The following GMFG variants were observed in gnomAD, a reference collection of about 807,000 sequenced individuals.
GMFG encodes glia maturation factor gamma.
GMFG carries 21 observed loss-of-function variants against 26.1 expected under a neutral mutation model. The observed-to-expected ratio is 0.80, with a 90% confidence interval of 0.57 to 1.16. The LOEUF is 1.16. Ranked by LOEUF, GMFG falls within the 50% of genes most tolerant of loss-of-function variation. GMFG has a pLI of 0.00. For missense variants in GMFG, 161 were observed against 178.3 expected (o/e 0.90, Z 0.55); for synonymous variants, 65 against 60.8 (o/e 1.07, Z -0.32).
chr19:39,334,315 C>A (rs12975430), intron 3 of GMFG, among the ~76,000 whole-genome samples: 11 of 152,070 alleles, frequency 7.2e-5, no homozygotes, highest in African/African-American at 2.4e-4. Context: ...GGCACCCAGC[C>A]GAGATGGGGT....
intron 3 of GMFG, among the ~76,000 whole-genome samples, chr19:39,334,676 C>G (rs1187302670): frequency 2.0e-5 from 3 of 152,110 alleles, no homozygotes; most frequent in East Asian, 3.8e-4. Flanking sequence ...AGTGCCAGGC[C>G]TTGTTCTAAA....
intron 3 of GMFG, 144 bp downstream of exon 3, chr19:39,335,117 C>T (rs2075243626): frequency 1.6e-6 from 1 of 627,276 alleles, no homozygotes; most frequent in Non-Finnish European, 2.8e-6. Flanking sequence ...TCCCAAAGTG[C>T]TGGGATTACA....
Position 39,329,532 on chromosome 19 carries a change from G to A in GMFG, c.283+12C>T. On this transcript the variant is annotated intron_variant, in intron 5 of 6. Transcript: ENST00000597595. The stretch of plus-strand genomic sequence containing the variant: ...AAGACCCTCTCCTGAGGACAGTAGA[G>A]CTGTGTCTCACCCACAGGGCTGGAG... The A allele has an allele frequency of 6.6e-7, 1 of 1,505,036 alleles. No individual in the cohort carries two copies. Among genetic ancestry groups the A allele is most frequent in the African/African-American group, 1.4e-5 (1 of 73,068 alleles). 93.2% of individuals were successfully genotyped at this position (1,505,036 alleles called of 1,614,324 possible).
rs371601820 is a variant in GMFG, at chr19:39,328,536, G to A, written c.370C>T (p.Arg124Cys). Residue 124 changes from arginine to cysteine, a missense_variant, in exon 7 of 7, where the codon CGC becomes TGC. By Grantham distance (180) the Arg-to-Cys change is radical (BLOSUM62 -3). Coordinates refer to ENST00000597595, the MANE Select transcript of GMFG (RefSeq NM_004877.4). ...GCCTCAGTGAGGTCATCAGTGGTGC[G>A]GATTTCGAACACCTGGGCAGAGAGA... ...TAELTKVFEIRTTDDLTEAWL... is the reference protein window; with the variant it reads ...TAELTKVFEICTTDDLTEAWL... 22 of 1,612,012 alleles carry A rather than the reference G, an allele frequency of 1.4e-5. No homozygotes were observed. The highest frequency in any genetic ancestry group is 4.5e-5 in the East Asian group (2 of 44,868).
In GMFG at chr19:39,329,091, G is replaced by A; in HGVS notation, c.284-18C>T. ...CTTGCAGCCTGCGTGGAAAAGAGGA[G>A]AAAGGCACATCAGTGGGGACCCAGG... On this transcript the variant is annotated intron_variant, in intron 5 of 6. Transcript: ENST00000597595. 2 of 1,589,080 alleles carry A rather than the reference G, an allele frequency of 1.3e-6. No individual in the cohort carries two copies. The highest frequency in any genetic ancestry group is 1.7e-6 in the Non-Finnish European group (2 of 1,157,162).
In GMFG at chr19:39,335,481, C is replaced by G. The variant is rs1263594669; in HGVS notation, c.54G>C (p.Leu18=). The change falls in exon 2 of 7, where the codon CTG becomes CTC. Residue 18 remains leucine (L), a synonymous_variant. Coordinates refer to ENST00000597595, the MANE Select transcript of GMFG (RefSeq NM_004877.4). The stretch of plus-strand genomic sequence containing the variant: ...TCTCTTTTCGGAAGCGGAATTTCCT[C>G]AGCTTTTCTGTTAGCTCTGGGTCTA... ...CEVDPELTEK[L]RKFRFRKETD... The G allele has an allele frequency of 6.2e-7, 1 of 1,613,904 alleles. No individual in the cohort carries two copies. The highest frequency in any genetic ancestry group is 8.5e-7 in the Non-Finnish European group (1 of 1,179,902).
Position 39,329,574 on chromosome 19 carries a change from G to A in GMFG, c.253C>T (p.Pro85Ser), listed in dbSNP as rs750925189. The A allele has an allele frequency of 1.2e-6, 2 of 1,609,772 alleles. No individual in the cohort carries two copies. Among genetic ancestry groups the A allele is most frequent in the African/African-American group, 2.7e-5 (2 of 74,796 alleles). ...YVHDDGRVSY[P>S]LCFIFSSPVG... ...GGGCTGGAGAAGATGAAACACAAAG[G>A]GTAGGACACTCGGCCATCGTCATGC... Residue 85 changes from proline to serine, a missense_variant, in exon 5 of 7, where the codon CCT (proline) becomes TCT (serine). By Grantham distance (74) the Pro-to-Ser change is moderately conservative. Coordinates refer to ENST00000597595, the MANE Select transcript of GMFG (RefSeq NM_004877.4).
At position 39,329,632 on chromosome 19, in the gene GMFG, G is replaced by A. The variant is rs761138010; in HGVS notation, c.201-6C>T. 2.0e-5 allele frequency: 32 copies of A among 1,581,234 alleles called. No homozygotes were observed. Among genetic ancestry groups the A allele is most frequent in the East Asian group, 1.1e-4 (5 of 44,742 alleles). On this transcript the variant is annotated splice_region_variant and splice_polypyrimidine_tract_variant and intron_variant, in intron 4 of 6. Transcript: ENST00000597595. Reference sequence around the variant, plus strand: ...TGTAGCTGTAAACCACGAACCTACCGTGAAAGGGAATTGAAAATCAGGACT... The same window carrying A: ...TGTAGCTGTAAACCACGAACCTACCATGAAAGGGAATTGAAAATCAGGACT...
chr19:39,333,581 C>CAAAAAAAAAAAAAAAAAAAAAAAAAAAA (rs750367671), intron 3 of GMFG, among the ~76,000 whole-genome samples: 1 of 47,322 alleles, frequency 2.1e-5, no homozygotes. Context: ...AACTCCGTCT[C>CAAAAAAAAAAAAAAAAAAAAAAAAAAAA]AAAAAAAAAA....
chr19:39,332,975 A>C, intron 4 of GMFG, 102 bp downstream of exon 4: 5 of 756,068 alleles, frequency 6.6e-6, no homozygotes, highest in Non-Finnish European at 6.8e-6. Flanking sequence ...AGAGATTCAA[A>C]GTCCATGAAT....
At position 39,328,989 on chromosome 19, in the gene GMFG, C is replaced by A; in HGVS notation, c.357+11G>T. Reference sequence around the variant, plus strand: ...CTCCCTAACACTCTGGAGCCCCATCCCAGTCTGAACCTTTGTGAGCTCTGC... The same window carrying A: ...CTCCCTAACACTCTGGAGCCCCATCACAGTCTGAACCTTTGTGAGCTCTGC... On this transcript the variant is annotated intron_variant, in intron 6 of 6. Transcript: ENST00000597595. 1 of 1,598,142 alleles carries A rather than the reference C, an allele frequency of 6.3e-7. No homozygotes were observed. Among genetic ancestry groups the A allele is most frequent in the African/African-American group, 1.3e-5 (1 of 74,764 alleles).
rs2075246855 is a variant in GMFG at position 39,335,696 on chromosome 19, C to T, written c.4-165G>A. The T allele has an allele frequency of 6.2e-6, 4 of 647,332 alleles. No homozygotes were observed. In the East Asian group the frequency reaches 1.1e-4, roughly 18 times the overall value. 40.1% of individuals were successfully genotyped at this position (647,332 alleles called of 1,614,324 possible). A position where few individuals can be genotyped will look rare whatever the true frequency, so the allele number is the denominator to read the frequency against. ...CCCTTCCCACAGAGTAGATACCCCT[C>T]ACCAGGGCACTCAGCTTGGGGGGCG... On this transcript the variant is annotated intron_variant, in intron 1 of 6. Transcript: ENST00000597595.
chr19:39,335,222 A>G, intron 3 of GMFG, 39 bp downstream of exon 3: 1 of 1,489,610 alleles, frequency 6.7e-7, no homozygotes, highest in Non-Finnish European at 9.1e-7. Flanking sequence ...TCCCAGTCTC[A>G]CCCTGTACCT....
chr19:39,334,621 T>C (rs1288508053), intron 3 of GMFG, among the ~76,000 whole-genome samples: 1 of 152,096 alleles, frequency 6.6e-6, no homozygotes, highest in East Asian at 1.9e-4. Flanking sequence ...AAAGCATTAT[T>C]ATCATCATTA....
intron 4 of GMFG, among the ~76,000 whole-genome samples, 182 bp from the exon 5 acceptor site, chr19:39,329,808 A>G (rs1175656754): frequency 6.6e-6 from 1 of 152,178 alleles, no homozygotes; most frequent in African/African-American, 2.4e-5. Flanking sequence ...GGCCGGGCGC[A>G]GGACTCACAC....
chr19:39,329,392 C>T (rs542194581), intron 5 of GMFG, 152 bp downstream of exon 5: 10 of 649,540 alleles, frequency 1.5e-5, no homozygotes, highest in East Asian at 8.2e-5. Flanking sequence ...CCACATCATG[C>T]GTGCGACACA....
At chr19:39,329,519 T>C in intron 5 of GMFG, 25 bp downstream of exon 5, 1 of 1,387,658 alleles carries the variant, frequency 7.2e-7, no homozygotes, top group Non-Finnish European at 1.0e-6. Context: ...GACCCTCTCC[T>C]GAGGACAGTA....
At chr19:39,329,835 T>A (rs2075219428) in intron 4 of GMFG, among the ~76,000 whole-genome samples, 1 of 152,054 alleles carries the variant, frequency 6.6e-6, no homozygotes, top group South Asian at 2.1e-4. Context: ...TCCCAGCACT[T>A]TGGGAGGCCG....
rs554887642 is a variant in GMFG at position 39,333,605 on chromosome 19, T to C, written c.151-479A>G. Among the ~76,000 whole-genome samples, 31 of 145,650 alleles carry C rather than the reference T, an allele frequency of 2.1e-4. No homozygotes were observed. In the East Asian group the frequency reaches 6.2e-3, roughly 29 times the overall value. ...TCAAAAAAAAAAAAAAAAAAAAGAA[T>C]GACCACCTTTAGGTGAGCACTTACC... On this transcript the variant is annotated intron_variant, in intron 3 of 6. Coordinates refer to ENST00000597595, the MANE Select transcript of GMFG (RefSeq NM_004877.4).
Sources: gnomAD v4.1 joint callset for allele counts (sites outside exome capture counted in the v4.1 genomes callset) on GRCh38, gnomAD v4.1.1 for gene constraint, MANE v1.5 for transcripts, NCBI Gene and HGNC (gene_info 2026-07-23, HGNC 2026-07-21) for gene names.